ZNF846: variants seen among roughly 807,000 people sequenced by gnomAD.
The protein encoded by ZNF846 is zinc finger protein 420 pseudogene.
In ZNF846, 15 loss-of-function variants were observed where a neutral mutation model predicts 16.0. The ratio of observed to expected loss-of-function variants is 0.94; its 90% CI spans 0.63 to 1.45. ZNF846 has a LOEUF of 1.45. Ranked by LOEUF, ZNF846 falls within the 40% of genes most tolerant of loss-of-function variation. ZNF846 has a pLI of 0.00. For missense variants in ZNF846, 714 were observed against 622.3 expected, an observed-to-expected ratio of 1.15 and a Z score of -1.57; for synonymous variants, 229 against 212.0, an observed-to-expected ratio of 1.08 and a Z score of -0.70.
exon 4 of ZNF846, chr19:9,762,140 G>A (rs1219119716): frequency 1.2e-6 from 2 of 1,613,980 alleles, no homozygotes; most frequent in East Asian, 2.2e-5. Flanking sequence ...ATCCAGACAT[G>A]AGACTACGTT....
chr19:9,764,943 G>T (rs756554961), exon 2 of ZNF846: 1 of 1,614,140 alleles, frequency 6.2e-7, no homozygotes, highest in South Asian at 1.1e-5. Flanking sequence ...TGCCTGAGAA[G>T]AATCCATCAG....
intron 1 of ZNF846, among the ~76,000 whole-genome samples, chr19:9,784,150 T>C (rs1043755550): frequency 7.0e-6 from 1 of 142,328 alleles, no homozygotes; most frequent in Non-Finnish European, 1.5e-5. Context: ...AGACACAAAG[T>C]ATAGAGGAAG....
At chr19:9,780,525 C>T (rs1414208183) in intron 1 of ZNF846, among the ~76,000 whole-genome samples, 2 of 152,068 alleles carry the variant, frequency 1.3e-5, no homozygotes, top group African/African-American at 4.8e-5. Context: ...TCTCAGCTCA[C>T]TGCAACCTCT....
downstream of ZNF846, chr19:9,756,327 A>ATGTGTGTG (rs1180429035): frequency 1.1e-4 from 12 of 106,098 alleles, no homozygotes; most frequent in African/African-American, 5.0e-4. Flanking sequence ...GTGCATATAT[A>ATGTGTGTG]TGTGTGTGTG....
chr19:9,748,963 C>CA (rs1299359254), downstream of ZNF846, among the ~76,000 whole-genome samples: 1 of 152,178 alleles, frequency 6.6e-6, no homozygotes, highest in East Asian at 1.9e-4. Context: ...GCTGGATGAT[C>CA]AGTTGTTGTT....
At chr19:9,768,086 C>G (rs2045346167) in intron 1 of ZNF846, among the ~76,000 whole-genome samples, 1 of 152,150 alleles carries the variant, frequency 6.6e-6, no homozygotes. Context: ...AGGTACTGAC[C>G]TAGGAAGTTC....
At chr19:9,763,789 C>T (rs1199368238) in intron 2 of ZNF846, among the ~76,000 whole-genome samples, 2 of 152,226 alleles carry the variant, frequency 1.3e-5, no homozygotes, top group African/African-American at 4.8e-5. Context: ...TCTGTCATAA[C>T]ACTCAGCAAA....
chr19:9,785,666 C>CT, intron 1 of ZNF846, among the ~76,000 whole-genome samples: 1 of 89,714 alleles, frequency 1.1e-5, no homozygotes, highest in Non-Finnish European at 2.4e-5. Context: ...CGAGACCCCG[C>CT]CCCATCTCCC....
intron 1 of ZNF846, among the ~76,000 whole-genome samples, chr19:9,782,424 C>G (rs147170470): frequency 1.3e-5 from 2 of 152,074 alleles, no homozygotes; most frequent in Non-Finnish European, 2.9e-5. Context: ...ACCACCACAC[C>G]TAATTTTTAA....
chr19:9,768,507 G>C (rs2045354230), exon 1 of ZNF846: 1 of 152,310 alleles, frequency 6.6e-6, no homozygotes, highest in Non-Finnish European at 1.5e-5. Flanking sequence ...GCTCAGAAGA[G>C]AAGGCGGGAA....
At chr19:9,759,830 G>A (rs759137105) in intron 5 of ZNF846, 30 bp downstream of exon 5, 3 of 1,528,698 alleles carry the variant, frequency 2.0e-6, no homozygotes, top group Non-Finnish European at 2.7e-6. Flanking sequence ...TTGTCCTAGT[G>A]TGGAAGATTT....
At chr19:9,772,967 G>A (rs1256283562), upstream of ZNF846, among the ~76,000 whole-genome samples, 1 of 151,966 alleles carries the variant, frequency 6.6e-6, no homozygotes, top group Non-Finnish European at 1.5e-5. Flanking sequence ...TGAAGTGGGA[G>A]GATTGCTTGA....
intron 1 of ZNF846, among the ~76,000 whole-genome samples, chr19:9,783,817 T>C (rs2045530434): frequency 6.6e-6 from 1 of 151,710 alleles, no homozygotes. Flanking sequence ...GCCCCCCAAG[T>C]AGTTGGAACT....
At chr19:9,775,062 G>A (rs2045425075) in intron 1 of ZNF846, 10 of 1,011,656 alleles carry the variant, frequency 9.9e-6, no homozygotes, top group East Asian at 2.5e-5. Flanking sequence ...ACGTGCCACC[G>A]CCTGACATTC....
At chr19:9,759,730 TATTC>T in intron 5 of ZNF846, 126 bp downstream of exon 5, 1 of 621,316 alleles carries the variant, frequency 1.6e-6, no homozygotes, top group South Asian at 2.2e-5. Flanking sequence ...GTGCTTCCCA[TATTC>T]ATGATATTCA....
At chr19:9,754,601 T>C (rs561364939), downstream of ZNF846, among the ~76,000 whole-genome samples, 7 of 128,888 alleles carry the variant, frequency 5.4e-5, no homozygotes, top group African/African-American at 1.6e-4. Flanking sequence ...AAGGGCAACA[T>C]ACAGTTGGAT....
chr19:9,750,089 C>T (rs2045071993), downstream of ZNF846, among the ~76,000 whole-genome samples: 2 of 152,122 alleles, frequency 1.3e-5, no homozygotes, highest in Admixed American at 1.3e-4. Context: ...TCTCCAGAAC[C>T]AAGCCACACA....
chr19:9,751,317 G>A (rs955193454), downstream of ZNF846, among the ~76,000 whole-genome samples: 6 of 151,856 alleles, frequency 4.0e-5, no homozygotes, highest in South Asian at 4.2e-4. Context: ...CCTGAGAAAC[G>A]TCACCCATCA....
chr19:9,761,690 G>A (rs1402453449), intron 4 of ZNF846, among the ~76,000 whole-genome samples: 6 of 149,132 alleles, frequency 4.0e-5, no homozygotes, highest in East Asian at 2.0e-4. Context: ...CAGCCAGGGC[G>A]ACAGTGCAAG....
Sources: allele counts gnomAD v4.1 joint callset (sites outside exome capture counted in the v4.1 genomes callset), GRCh38; gene constraint gnomAD v4.1.1; transcripts MANE v1.5; gene names NCBI Gene and HGNC (gene_info 2026-07-23, HGNC 2026-07-21).